SUCLA2: variants seen among roughly 807,000 people sequenced by gnomAD.
The protein encoded by SUCLA2 is succinate--CoA ligase [ADP-forming] subunit beta, mitochondrial.
SUCLA2 carries 30 observed loss-of-function variants against 54.8 expected under a neutral mutation model. The observed-to-expected ratio is 0.55, with a 90% CI of 0.41 to 0.74. SUCLA2 has a LOEUF of 0.74. SUCLA2 is among the 30% of genes least tolerant of loss of function. SUCLA2 has a pLI of 0.00. For synonymous variants in SUCLA2, 172 were observed against 188.9 expected (o/e 0.91, Z 0.74); for missense variants, 476 against 562.9 (o/e 0.85, Z 1.56).
chr13:47,974,006 G>A (rs1213410769), intron 4 of SUCLA2, among the ~76,000 whole-genome samples: 1 of 151,856 alleles, frequency 6.6e-6, no homozygotes, highest in Non-Finnish European at 1.5e-5. Context: ...GTTGATGGGT[G>A]CAGCAAACCA....
chr13:47,943,247 T>G lies in SUCLA2; in HGVS notation c.*124A>C. ...TGCAGTCCAAATCCTTTTAAATGTT[T>G]GTGTGCCTAGATGGCAATTACAATC... On this transcript the variant is annotated 3_prime_UTR_variant, in exon 11 of 11. Coordinates refer to ENST00000646932, the MANE Select transcript of SUCLA2 (RefSeq NM_003850.3). 1 of 942,334 alleles carries G rather than the reference T, an allele frequency of 1.1e-6. No individual in the cohort carries two copies. The highest frequency in any genetic ancestry group is 1.6e-5 in the African/African-American group (1 of 62,080). The allele number at this position is 942,334 out of a possible 1,614,324, so 58.4% of individuals were successfully genotyped here.
At chr13:47,978,602 T>C (rs1473875434) in intron 4 of SUCLA2, among the ~76,000 whole-genome samples, 1 of 152,154 alleles carries the variant, frequency 6.6e-6, no homozygotes, top group Non-Finnish European at 1.5e-5. Flanking sequence ...GACATAGGCA[T>C]AGGCAAGGAC....
At chr13:47,993,279 T>C (rs1488701356) in intron 2 of SUCLA2, among the ~76,000 whole-genome samples, 5 of 152,142 alleles carry the variant, frequency 3.3e-5, no homozygotes. Flanking sequence ...AAAATCATAT[T>C]TCCTTGAACT....
intron 2 of SUCLA2, among the ~76,000 whole-genome samples, chr13:47,992,388 CAAAAAAA>C (rs35103136): frequency 1.1e-4 from 10 of 93,088 alleles, no homozygotes; most frequent in Middle Eastern, 6.2e-3. Flanking sequence ...ACAACGAAAG[CAAAAAAA>C]AAAAAAAAAA....
chr13:47,990,185 T>C (rs569009881), intron 2 of SUCLA2, among the ~76,000 whole-genome samples: 1 of 152,228 alleles, frequency 6.6e-6, no homozygotes, highest in South Asian at 2.1e-4. Context: ...TCATCTCTAT[T>C]AAAAATACAA....
chr13:47,954,454 T>C lies in SUCLA2; in HGVS notation c.906A>G (p.Lys302=), dbSNP rs1949802904. ...QDWTQEDERD[K]DAAKANLNYI... is the part of the protein sequence containing the mutation. ...AGTTGAGATTTGCCTTAGCAGCATC[T>C]TTGTCCCTTTCATCTTCCTGGGTCC... is the stretch of plus-strand genomic sequence containing the variant. Residue 302 remains lysine, a synonymous_variant, in exon 7 of 11, where the codon AAA becomes AAG. Coordinates refer to ENST00000646932, the MANE Select transcript of SUCLA2 (RefSeq NM_003850.3). The C allele has an allele frequency of 6.2e-7, 1 of 1,614,072 alleles. No homozygotes were observed. Among genetic ancestry groups the C allele is most frequent in the African/African-American group, 1.3e-5 (1 of 75,052 alleles).
chr13:47,953,156 A>G (rs1037198334), intron 8 of SUCLA2, among the ~76,000 whole-genome samples: 6 of 152,132 alleles, frequency 3.9e-5, no homozygotes, highest in Non-Finnish European at 7.3e-5. Flanking sequence ...CTGGGTTACC[A>G]TTCTGTTTCC....
chr13:47,949,512 A>T lies in SUCLA2; in HGVS notation c.1199T>A (p.Ile400Asn), dbSNP rs1341304876. ...GIVMAVKDLE[I>N]KIPVVVRLQG... ...TAACCGTACCACAACAGGTATTTTA[A>T]TTTCCAAGTCTTTTACTGCCATGAC... Residue 400 changes from isoleucine to asparagine, a missense_variant, in exon 9 of 11, where the codon ATT becomes AAT. Around this residue, in one of 2 missense-constraint regions of SUCLA2, gnomAD observed 342 missense variants for 444.2 expected, o/e 0.77. Transcript: ENST00000646932. 6.2e-7 allele frequency: 1 copy of T among 1,613,626 alleles called. No individual in the cohort carries two copies. Among genetic ancestry groups the T allele is most frequent in the Non-Finnish European group, 8.5e-7 (1 of 1,179,684 alleles).
At chr13:47,945,972 G>C (rs1949728428) in intron 10 of SUCLA2, 1 of 152,144 alleles carries the variant, frequency 6.6e-6, no homozygotes, top group Non-Finnish European at 1.5e-5. Context: ...AATGATCCAG[G>C]ATGAACCAAA....
At chr13:47,977,538 A>T (rs1429434989) in intron 4 of SUCLA2, among the ~76,000 whole-genome samples, 1 of 152,134 alleles carries the variant, frequency 6.6e-6, no homozygotes, top group Non-Finnish European at 1.5e-5. Flanking sequence ...AAATACTAGC[A>T]AACTGAATTC....
In SUCLA2 at chr13:47,974,061, CAT is replaced by C. The variant is rs1051472861; in HGVS notation, c.535-671_535-670del. On this transcript the variant is annotated intron_variant, in intron 4 of 10. Transcript: ENST00000646932. ...ATGTAACAAACCTGCACTTTCTGCACATGTATCCCAGAACTTAAAGTATAATT... is the reference window on the plus strand; with the variant it reads ...ATGTAACAAACCTGCACTTTCTGCACGTATCCCAGAACTTAAAGTATAATT... Among the ~76,000 whole-genome samples the C allele has an allele frequency of 2.0e-5, 3 of 148,472 alleles. No individual in the cohort carries two copies. In the Admixed American group the frequency reaches 2.0e-4, roughly 10 times the overall value.
intron 2 of SUCLA2, among the ~76,000 whole-genome samples, chr13:47,996,284 T>C (rs1950189917): frequency 6.7e-6 from 1 of 149,226 alleles, no homozygotes; most frequent in African/African-American, 2.5e-5. Context: ...GATTGCACCA[T>C]TGCACTCCAA....
At chr13:47,981,264 A>C (rs987365267) in intron 4 of SUCLA2, among the ~76,000 whole-genome samples, 6 of 152,202 alleles carry the variant, frequency 3.9e-5, no homozygotes, top group Non-Finnish European at 7.3e-5. Flanking sequence ...AAAGTAAAAA[A>C]TAAAAAACCC....
At chr13:47,969,357 A>G (rs1261696237) in intron 5 of SUCLA2, among the ~76,000 whole-genome samples, 1 of 152,248 alleles carries the variant, frequency 6.6e-6, no homozygotes, top group Non-Finnish European at 1.5e-5. Flanking sequence ...GTGTTATCCC[A>G]TTTATTCAAA....
At chr13:47,953,149 G>T (rs1949789949) in intron 8 of SUCLA2, among the ~76,000 whole-genome samples, 1 of 152,202 alleles carries the variant, frequency 6.6e-6, no homozygotes, top group Middle Eastern at 3.4e-3. Context: ...TGACACCCTG[G>T]GTTACCATTC....
chr13:47,945,643 GACACACACACACACACACAC>G (rs773399228), intron 10 of SUCLA2: 1 of 111,486 alleles, frequency 9.0e-6, no homozygotes, highest in African/African-American at 2.9e-5. Flanking sequence ...GGAAAAGGGA[GACACACACACACACACACAC>G]ACACACACAC....
Position 47,943,208 on chromosome 13 carries a change from A to C in SUCLA2, c.*163T>G. 1.3e-6 allele frequency: 1 copy of C among 747,422 alleles called. No individual in the cohort carries two copies. Among genetic ancestry groups the C allele is most frequent in the Non-Finnish European group, 2.4e-6 (1 of 415,722 alleles). 46.3% of individuals were successfully genotyped at this position (747,422 alleles called of 1,614,324 possible). A position where few individuals can be genotyped will look rare whatever the true frequency, so the allele number is the denominator to read the frequency against. ...GCTTCGTACAAACAGTCCATTCTGA[A>C]TGGTACAATTAAATGCAGTCCAAAT... On this transcript the variant is annotated 3_prime_UTR_variant, in exon 11 of 11. Transcript: ENST00000646932.
At chr13:47,978,833 C>T (rs1446225057) in intron 4 of SUCLA2, among the ~76,000 whole-genome samples, 1 of 152,018 alleles carries the variant, frequency 6.6e-6, no homozygotes. Flanking sequence ...AAAAAAACAA[C>T]CCCATCAAAA....
chr13:47,953,680 A>G (rs1779321376), intron 8 of SUCLA2, among the ~76,000 whole-genome samples: 1 of 152,202 alleles, frequency 6.6e-6, no homozygotes, highest in Admixed American at 6.5e-5. Context: ...AGAAGCAACA[A>G]TTAGTAAGAT....
Sources: gnomAD v4.1 joint callset for allele counts (sites outside exome capture counted in the v4.1 genomes callset) on GRCh38, gnomAD v4.1.1 for gene constraint, gnomAD v4.1.1 regional missense constraint, MANE v1.5 for transcripts, NCBI Gene and HGNC (gene_info 2026-07-23, HGNC 2026-07-21) for gene names.